LIMA1: variants seen among roughly 807,000 people sequenced by gnomAD.
The protein encoded by LIMA1 is LIM domain and actin-binding protein 1.
A neutral mutation model predicts 62.6 loss-of-function variants in LIMA1; 52 were observed. That is an observed-to-expected ratio of 0.83 (90% CI 0.67 to 1.05). The LOEUF (loss-of-function observed/expected upper bound fraction) is 1.05. Among genes scored for constraint, LIMA1 ranks in the 50% least tolerant of loss-of-function variants. LIMA1 has a pLI of 0.00. For synonymous variants in LIMA1, 302 were observed against 317.8 expected, an observed-to-expected ratio of 0.95 and a Z score of 0.53; for missense variants, 780 against 902.2, an observed-to-expected ratio of 0.86 and a Z score of 1.74.
At chr12:50,263,301 C>G (rs1193076166) in intron 1 of LIMA1, among the ~76,000 whole-genome samples, 3 of 152,172 alleles carry the variant, frequency 2.0e-5, no homozygotes, top group Admixed American at 1.3e-4. Flanking sequence ...GGCTTGTGCT[C>G]TCATTTTGAA....
intron 1 of LIMA1, among the ~76,000 whole-genome samples, chr12:50,268,040 A>G (rs1378288838): frequency 6.6e-6 from 1 of 152,162 alleles, no homozygotes; most frequent in East Asian, 1.9e-4. Flanking sequence ...CTTTCTGAAT[A>G]TCATGTGTAA....
At position 50,177,203 on chromosome 12, in the gene LIMA1, G is replaced by T; in HGVS notation, c.2141C>A (p.Thr714Asn). 6.2e-7 allele frequency: 1 copy of T among 1,614,062 alleles called. No homozygotes were observed. Among genetic ancestry groups the T allele is most frequent in the South Asian group, 1.1e-5 (1 of 91,034 alleles). ...SLNWSSFVDNTFAEEFTTQNQ... is the reference protein window; with the variant it reads ...SLNWSSFVDNNFAEEFTTQNQ... Reference sequence around the variant, plus strand: ...CTGAGTAGTGAATTCTTCAGCAAAGGTGTTGTCTACAAAACTCGACCAATT... The same window carrying T: ...CTGAGTAGTGAATTCTTCAGCAAAGTTGTTGTCTACAAAACTCGACCAATT... Residue 714 changes from threonine to asparagine, a missense_variant, in exon 11 of 11, where the codon ACC becomes AAC. By Grantham distance (65) the Thr-to-Asn change is moderately conservative (BLOSUM62 0). Coordinates refer to ENST00000341247, the MANE Select transcript of LIMA1 (RefSeq NM_016357.5).
At chr12:50,270,190 G>A (rs1449943646) in intron 1 of LIMA1, among the ~76,000 whole-genome samples, 15 of 134,328 alleles carry the variant, frequency 1.1e-4, no homozygotes, top group Non-Finnish European at 2.0e-4. Flanking sequence ...AGCCGAGATC[G>A]CGCCATTGTA....
rs554099491 is a variant in LIMA1 at position 50,258,928 on chromosome 12, G to A, written c.-23-10154C>T. On this transcript the variant is annotated intron_variant, in intron 1 of 10. Coordinates refer to ENST00000341247, the MANE Select transcript of LIMA1 (RefSeq NM_016357.5). Reference sequence around the variant, plus strand: ...CCCAAAGTGCTGGGATTACAGGTGTGAGTCACCGCGCCCAGCCCTATAAAA... The same window carrying A: ...CCCAAAGTGCTGGGATTACAGGTGTAAGTCACCGCGCCCAGCCCTATAAAA... Among the ~76,000 whole-genome samples, 3 of 152,116 alleles carry A rather than the reference G, an allele frequency of 2.0e-5. No homozygotes were observed. In the South Asian group the frequency reaches 6.2e-4, roughly 32 times the overall value.
intron 6 of LIMA1, among the ~76,000 whole-genome samples, chr12:50,203,439 A>G (rs1000221559): frequency 2.0e-5 from 3 of 150,114 alleles, no homozygotes; most frequent in African/African-American, 7.4e-5. Context: ...CTGGAGACGG[A>G]GTCTTGCTGT....
intron 2 of LIMA1, among the ~76,000 whole-genome samples, chr12:50,233,716 G>C (rs1385676238): frequency 1.3e-5 from 2 of 152,184 alleles, no homozygotes; most frequent in East Asian, 3.9e-4. Flanking sequence ...CTAAAGACAG[G>C]GTTTCACCAT....
At chr12:50,221,671 A>T (rs1283672392) in intron 4 of LIMA1, among the ~76,000 whole-genome samples, 2 of 152,224 alleles carry the variant, frequency 1.3e-5, no homozygotes, top group African/African-American at 4.8e-5. Context: ...GCAGAGAGCT[A>T]TTCAGCAGTA....
chr12:50,267,360 C>T (rs1565864188), intron 1 of LIMA1, among the ~76,000 whole-genome samples: 3 of 151,836 alleles, frequency 2.0e-5, no homozygotes, highest in Admixed American at 2.0e-4. Context: ...CGTGAGCCAC[C>T]GCACCCGGTC....
At position 50,177,020 on chromosome 12, in the gene LIMA1, G is replaced by A. The variant is rs766072431; in HGVS notation, c.*44C>T. On this transcript the variant is annotated 3_prime_UTR_variant, in exon 11 of 11. Transcript: ENST00000341247. ...ACATTTTGACAAAGGGCAGTGGCTC[G>A]CTAACACTAACATGAATTTAAGGCC... The A allele has an allele frequency of 8.2e-6, 12 of 1,454,788 alleles. No homozygotes were observed. The highest frequency in any genetic ancestry group is 1.4e-5 in the African/African-American group (1 of 70,256). The allele number at this position is 1,454,788 out of a possible 1,614,324, so 90.1% of individuals were successfully genotyped here.
intron 1 of LIMA1, among the ~76,000 whole-genome samples, chr12:50,251,902 T>G (rs1045966402): frequency 1.3e-5 from 2 of 152,196 alleles, no homozygotes; most frequent in African/African-American, 4.8e-5. Flanking sequence ...CTTAGCAATG[T>G]GATTAGTACC....
intron 6 of LIMA1, chr12:50,201,307 C>T (rs1813003649): frequency 1.0e-6 from 1 of 990,978 alleles, no homozygotes. Context: ...ACTGACCATA[C>T]ATATATAAAT....
intron 1 of LIMA1, among the ~76,000 whole-genome samples, chr12:50,277,275 A>G (rs1164815076): frequency 6.8e-6 from 1 of 146,490 alleles, no homozygotes; most frequent in African/African-American, 2.5e-5. Flanking sequence ...TTTTTTTTTT[A>G]TACTTCTATT....
chr12:50,231,744 T>C lies in LIMA1; in HGVS notation c.120-34A>G, dbSNP rs202029030. On this transcript the variant is annotated intron_variant, in intron 2 of 10. Transcript: ENST00000341247. ...AAGGGAAGGAAAGAATGTCTCAAATTAAACTTATATTTTTACTCTTTCAAT... is the reference window on the plus strand; with the variant it reads ...AAGGGAAGGAAAGAATGTCTCAAATCAAACTTATATTTTTACTCTTTCAAT... The C allele has an allele frequency of 1.0e-5, 16 of 1,589,108 alleles. No homozygotes were observed. The African/African-American group carries it at 1.1e-4, about 11-fold the overall frequency.
At chr12:50,266,391 A>G (rs1942138496) in intron 1 of LIMA1, among the ~76,000 whole-genome samples, 1 of 152,252 alleles carries the variant, frequency 6.6e-6, no homozygotes, top group Non-Finnish European at 1.5e-5. Context: ...CAATGGTTTC[A>G]TGTTAATGTG....
At chr12:50,264,995 T>C (rs557434149) in intron 1 of LIMA1, among the ~76,000 whole-genome samples, 1 of 151,822 alleles carries the variant, frequency 6.6e-6, no homozygotes, top group East Asian at 2.0e-4. Flanking sequence ...CTACAAAAAA[T>C]TTTAATAATT....
At chr12:50,252,451 C>T (rs774982948) in intron 1 of LIMA1, among the ~76,000 whole-genome samples, 3 of 151,884 alleles carry the variant, frequency 2.0e-5, no homozygotes, top group Admixed American at 6.6e-5. Context: ...CGTGGTGGCA[C>T]GCGCCTGTAA....
chr12:50,217,983 C>G (rs1299527876), intron 4 of LIMA1: 1 of 150,496 alleles, frequency 6.6e-6, no homozygotes, highest in Non-Finnish European at 1.5e-5. Context: ...CGGCTCACTG[C>G]AAGCTCTGCC....
intron 1 of LIMA1, among the ~76,000 whole-genome samples, chr12:50,273,362 C>A (rs1041277466): frequency 6.6e-6 from 1 of 152,100 alleles, no homozygotes; most frequent in African/African-American, 2.4e-5. Context: ...GAGGCATTTG[C>A]TGGGTAGTGG....
At chr12:50,210,239 A>G (rs1941229253) in intron 4 of LIMA1, among the ~76,000 whole-genome samples, 1 of 151,912 alleles carries the variant, frequency 6.6e-6, no homozygotes. Flanking sequence ...CCTCGCCCAC[A>G]TGGCGAAACC....
Sources: gnomAD v4.1 joint callset for allele counts (sites outside exome capture counted in the v4.1 genomes callset) on GRCh38, gnomAD v4.1.1 for gene constraint, MANE v1.5 for transcripts, NCBI Gene and HGNC (gene_info 2026-07-23, HGNC 2026-07-21) for gene names.